ATRNL1: variants seen among roughly 807,000 people sequenced by gnomAD.
ATRNL1 encodes attractin-like protein 1.
In ATRNL1, 95 loss-of-function variants were observed where a neutral mutation model predicts 182.7. The ratio of observed to expected loss-of-function variants is 0.52; its 90% CI spans 0.44 to 0.62. The LOEUF (loss-of-function observed/expected upper bound fraction) is 0.62. Ranked by LOEUF, ATRNL1 falls within the 20% of genes least tolerant of loss-of-function variation. ATRNL1 has a pLI of 0.00. For synonymous variants in ATRNL1, 576 were observed against 568.3 expected (o/e 1.01, Z -0.19); for missense variants, 1,471 against 1,679.5 (o/e 0.88, Z 2.17).
intron 28 of ATRNL1, among the ~76,000 whole-genome samples, chr10:115,940,521 A>G (rs782017349): frequency 1.5e-4 from 23 of 152,198 alleles, no homozygotes; most frequent in Non-Finnish European, 3.1e-4. Context: ...CATGTTCAGT[A>G]TCTTACCAGA....
chr10:115,105,700 G>A (rs1448448546), intron 1 of ATRNL1, among the ~76,000 whole-genome samples: 4 of 152,240 alleles, frequency 2.6e-5, no homozygotes, highest in Admixed American at 6.5e-5. Context: ...GTGCAGCTCA[G>A]GCTGTGGCTT....
intron 27 of ATRNL1, among the ~76,000 whole-genome samples, chr10:115,780,414 T>G (rs1462523999): frequency 1.3e-5 from 2 of 152,208 alleles, no homozygotes; most frequent in Non-Finnish European, 2.9e-5. Context: ...AGGCAAGTCC[T>G]AGTGCTGTAC....
intron 26 of ATRNL1, among the ~76,000 whole-genome samples, chr10:115,594,092 A>G (rs927826836): frequency 6.6e-6 from 1 of 152,094 alleles, no homozygotes; most frequent in Admixed American, 6.5e-5. Flanking sequence ...TTGATTCAGA[A>G]GAAATAAAAC....
intron 24 of ATRNL1, among the ~76,000 whole-genome samples, chr10:115,499,902 C>T (rs935395355): frequency 5.3e-5 from 8 of 152,142 alleles, no homozygotes; most frequent in African/African-American, 1.9e-4. Context: ...TCCTTTTAAT[C>T]ATCTTTTGGA....
chr10:115,449,835 C>T (rs1847199185), intron 21 of ATRNL1, among the ~76,000 whole-genome samples: 2 of 152,178 alleles, frequency 1.3e-5, no homozygotes, highest in South Asian at 4.1e-4. Flanking sequence ...CTGGCAGAGA[C>T]ACAACAAAAA....
At chr10:115,145,789 A>T (rs1413622615) in intron 5 of ATRNL1, among the ~76,000 whole-genome samples, 1 of 152,146 alleles carries the variant, frequency 6.6e-6, no homozygotes, top group African/African-American at 2.4e-5. Context: ...TATTCCCACC[A>T]TATCTTCCAC....
intron 27 of ATRNL1, chr10:115,819,723 T>C (rs1950248210): frequency 6.6e-6 from 1 of 152,154 alleles, no homozygotes; most frequent in Non-Finnish European, 1.5e-5. Context: ...GTAAATTCAG[T>C]ATAGATGCAA....
chr10:115,723,324 T>C (rs1399879128), intron 26 of ATRNL1, among the ~76,000 whole-genome samples: 3 of 152,166 alleles, frequency 2.0e-5, no homozygotes, highest in African/African-American at 4.8e-5. Flanking sequence ...TTGTTTTTTA[T>C]GTATGTGTAT....
chr10:115,602,541 T>C (rs560453582), intron 26 of ATRNL1, among the ~76,000 whole-genome samples: 23 of 152,168 alleles, frequency 1.5e-4, no homozygotes, highest in Non-Finnish European at 3.1e-4. Flanking sequence ...GGTTAGAGGC[T>C]CCGTCCTACA....
At chr10:115,185,427 C>T (rs1847903725) in intron 8 of ATRNL1, among the ~76,000 whole-genome samples, 1 of 151,980 alleles carries the variant, frequency 6.6e-6, no homozygotes, top group Non-Finnish European at 1.5e-5. Flanking sequence ...ACAGGAATCA[C>T]CTTCTAGGGG....
chr10:115,716,336 A>G (rs1555056314), intron 26 of ATRNL1, among the ~76,000 whole-genome samples: 1 of 152,182 alleles, frequency 6.6e-6, no homozygotes, highest in Non-Finnish European at 1.5e-5. Context: ...CAAAGGAAAA[A>G]AATATCTTTA....
intron 28 of ATRNL1, among the ~76,000 whole-genome samples, chr10:115,890,409 T>C (rs1382703282): frequency 4.6e-5 from 7 of 152,216 alleles, no homozygotes; most frequent in African/African-American, 1.4e-4. Flanking sequence ...CTCTCATTCA[T>C]CACCTATTTT....
At chr10:115,487,179 C>G (rs1261977029) in intron 24 of ATRNL1, among the ~76,000 whole-genome samples, 2 of 152,130 alleles carry the variant, frequency 1.3e-5, no homozygotes, top group Non-Finnish European at 2.9e-5. Flanking sequence ...CGTGATGCCT[C>G]CAACTCTGTT....
intron 28 of ATRNL1, among the ~76,000 whole-genome samples, chr10:115,854,246 T>C (rs1396439087): frequency 6.6e-6 from 1 of 152,218 alleles, no homozygotes; most frequent in Non-Finnish European, 1.5e-5. Context: ...AACATAGTCA[T>C]TAAAATGCCC....
At chr10:115,698,517 A>C (rs1443005655) in intron 26 of ATRNL1, among the ~76,000 whole-genome samples, 2 of 152,054 alleles carry the variant, frequency 1.3e-5, no homozygotes, top group Non-Finnish European at 2.9e-5. Context: ...CGGTGGCTCA[A>C]GCCTGTAATC....
chr10:115,899,239 G>C (rs995710736), intron 28 of ATRNL1, among the ~76,000 whole-genome samples: 13 of 152,074 alleles, frequency 8.5e-5, no homozygotes, highest in Non-Finnish European at 1.3e-4. Flanking sequence ...TGCGGTGTTT[G>C]GTTTTTTGTC....
chr10:115,753,182 C>G (rs1043728072), intron 27 of ATRNL1, among the ~76,000 whole-genome samples: 1 of 151,582 alleles, frequency 6.6e-6, no homozygotes, highest in South Asian at 2.1e-4. Context: ...CTAGAAGTCC[C>G]TTTTTTATTA....
At chr10:115,754,787 C>G (rs745560111) in intron 27 of ATRNL1, among the ~76,000 whole-genome samples, 1 of 152,152 alleles carries the variant, frequency 6.6e-6, no homozygotes, top group African/African-American at 2.4e-5. Context: ...GATATTGATT[C>G]TTCCTATCCA....
chr10:115,179,408 C>T (rs1554887483), intron 8 of ATRNL1, among the ~76,000 whole-genome samples: 1 of 151,944 alleles, frequency 6.6e-6, no homozygotes, highest in African/African-American at 2.4e-5. Flanking sequence ...GTCAGGTGTC[C>T]TCATATAGCT....
Sources: gnomAD v4.1 joint callset for allele counts (sites outside exome capture counted in the v4.1 genomes callset) on GRCh38, gnomAD v4.1.1 for gene constraint, MANE v1.5 for transcripts, NCBI Gene and HGNC (gene_info 2026-07-23, HGNC 2026-07-21) for gene names.